Variants in APOLD1 observed in about 807,000 individuals in gnomAD.
The protein encoded by APOLD1 is apolipoprotein L domain-containing protein 1.
APOLD1 carries 22 observed loss-of-function variants against 15.3 expected under a neutral mutation model. That is an observed-to-expected ratio of 1.44 (90% CI 1.03 to 2.05). APOLD1 has a LOEUF of 2.05. Among genes scored for constraint, APOLD1 ranks in the 30% most tolerant of loss-of-function variants. The pLI is 0.00. For missense variants in APOLD1, 394 were observed against 353.5 expected (o/e 1.11, Z -0.92); for synonymous variants, 190 against 167.4 (o/e 1.13, Z -1.04).
chr12:12,750,959 G>C (rs1366651825), intron 1 of APOLD1, among the ~76,000 whole-genome samples: 1 of 144,262 alleles, frequency 6.9e-6, no homozygotes, highest in Admixed American at 6.9e-5. Context: ...TTTTTTTTTG[G>C]TTGTCTTTTG....
intron 1 of APOLD1, chr12:12,771,482 T>G (rs1946986605): frequency 2.1e-6 from 1 of 487,588 alleles, no homozygotes. Flanking sequence ...GTTTTTCATC[T>G]GTGTTTTCCA....
At position 12,787,086 on chromosome 12, in the gene APOLD1, T is replaced by C; in HGVS notation, c.181T>C (p.Ser61Pro). Residue 61 changes from serine to proline, a missense_variant, in exon 2 of 2, where the codon TCG becomes CCG. Ser to Pro is a moderately conservative substitution (Grantham distance 74). Transcript: ENST00000356591. The surrounding 1 kb of genome is among the most constrained non-coding windows in gnomAD (Gnocchi z 4.9). Reference sequence around the variant, plus strand: ...CCTCGTAGCCAACGTGGCCGGCAGCTCGCTGAGCGCAACGGGCGCCCTCGC... The same window carrying C: ...CCTCGTAGCCAACGTGGCCGGCAGCCCGCTGAGCGCAACGGGCGCCCTCGC... ...RSLVANVAGS[S>P]LSATGALAAI... The C allele has an allele frequency of 7.1e-7, 1 of 1,399,448 alleles. No homozygotes were observed. The highest frequency in any genetic ancestry group is 9.2e-7 in the Non-Finnish European group (1 of 1,087,434). 86.7% of individuals were successfully genotyped at this position (1,399,448 alleles called of 1,614,324 possible). A position where few individuals can be genotyped will look rare whatever the true frequency, so the allele number is the denominator to read the frequency against.
At chr12:12,747,682 G>A (rs1203352629) in intron 1 of APOLD1, among the ~76,000 whole-genome samples, 1 of 152,170 alleles carries the variant, frequency 6.6e-6, no homozygotes, top group Admixed American at 6.5e-5. Flanking sequence ...TTATTTCTTA[G>A]TTGGCTGTAA....
At position 12,790,253 on chromosome 12, in the gene APOLD1, C is replaced by A. The variant is rs927140030; in HGVS notation, c.*2601C>A. 6.6e-6 allele frequency: 1 copy of A among 152,058 alleles called. No individual in the cohort carries two copies. Among genetic ancestry groups the A allele is most frequent in the East Asian group, 1.9e-4 (1 of 5,174 alleles). 9.4% of individuals were successfully genotyped at this position (152,058 alleles called of 1,614,324 possible). A position where few individuals can be genotyped will look rare whatever the true frequency, so the allele number is the denominator to read the frequency against. ...CTCCTGGCCTTATGTGATCCGCCCA[C>A]CTTGGCTTCCCAAAGTGCTGGGATT... On this transcript the variant is annotated 3_prime_UTR_variant, in exon 2 of 2. Transcript: ENST00000356591.
At chr12:12,747,655 C>T (rs1946776926) in intron 1 of APOLD1, among the ~76,000 whole-genome samples, 1 of 152,216 alleles carries the variant, frequency 6.6e-6, no homozygotes, top group Non-Finnish European at 1.5e-5. Flanking sequence ...TTGATCCTCT[C>T]CCTCCATTCC....
intron 1 of APOLD1, among the ~76,000 whole-genome samples, chr12:12,763,663 C>A (rs1946920684): frequency 1.3e-5 from 2 of 152,208 alleles, no homozygotes; most frequent in South Asian, 4.1e-4. Context: ...AGGTTATATG[C>A]AAACGCTATA....
chr12:12,791,466 A>ATT (rs966005668), downstream of APOLD1: 1 of 152,120 alleles, frequency 6.6e-6, no homozygotes, highest in Non-Finnish European at 1.5e-5. Context: ...CATTCCTCAA[A>ATT]TTTTTTTATC....
At chr12:12,736,710 C>T (rs1248171033) in intron 1 of APOLD1, among the ~76,000 whole-genome samples, 1 of 152,188 alleles carries the variant, frequency 6.6e-6, no homozygotes, top group Admixed American at 6.5e-5. Flanking sequence ...TGCTGCTTAA[C>T]ATAAACAATC....
At chr12:12,727,760 CTTT>C (rs34995291) in intron 1 of APOLD1, among the ~76,000 whole-genome samples, 2,109 of 137,932 alleles carry the variant, frequency 0.015, 16 homozygotes, top group Non-Finnish European at 0.023. Context: ...GCTCTGAAAC[CTTT>C]TTTTTTTTTT....
intron 1 of APOLD1, among the ~76,000 whole-genome samples, chr12:12,727,882 G>T (rs1006503672): frequency 1.3e-5 from 2 of 151,674 alleles, no homozygotes; most frequent in Non-Finnish European, 2.9e-5. Context: ...TGACAGGCAT[G>T]AGCCACCATA....
chr12:12,783,865 T>A (rs1341352730), upstream of APOLD1, among the ~76,000 whole-genome samples: 1 of 151,296 alleles, frequency 6.6e-6, no homozygotes, highest in Non-Finnish European at 1.5e-5. Flanking sequence ...AACTCCTGAC[T>A]TCAAGCGACC....
chr12:12,756,965 T>C (rs2136383469), intron 1 of APOLD1, among the ~76,000 whole-genome samples: 1 of 152,274 alleles, frequency 6.6e-6, no homozygotes, highest in South Asian at 2.1e-4. Flanking sequence ...TTTTGTATTT[T>C]TAGTAGAGAC....
intron 1 of APOLD1, among the ~76,000 whole-genome samples, chr12:12,777,057 T>A (rs902645317): frequency 6.6e-6 from 1 of 152,204 alleles, no homozygotes; most frequent in Non-Finnish European, 1.5e-5. Flanking sequence ...ATTGTGGATA[T>A]TTTCTTTTTA....
At position 12,786,997 on chromosome 12, in the gene APOLD1, T is replaced by C. The variant is rs1484984085; in HGVS notation, c.92T>C (p.Leu31Pro). ...QGLLLDRRGR[L>P]HGQVLRLREV... ...CTGCTGCTGGACCGCCGAGGCCGGC[T>C]GCACGGCCAGGTGCTGCGCCTGCGC... Residue 31 changes from leucine (L) to proline (P), a missense_variant, in exon 2 of 2, where the codon CTG (leucine) becomes CCG (proline). Transcript: ENST00000356591. 8 of 1,418,904 alleles carry C rather than the reference T, an allele frequency of 5.6e-6. No homozygotes were observed. The highest frequency in any genetic ancestry group is 6.4e-6 in the Non-Finnish European group (7 of 1,097,938). 87.9% of individuals were successfully genotyped at this position (1,418,904 alleles called of 1,614,324 possible).
intron 1 of APOLD1, among the ~76,000 whole-genome samples, chr12:12,730,983 T>TA (rs1159984699): frequency 6.0e-5 from 9 of 149,700 alleles, no homozygotes; most frequent in Non-Finnish European, 1.0e-4. Context: ...CTACTAAAAA[T>TA]AAAAAAAATT....
In APOLD1 at chr12:12,789,094, ATTTAT is replaced by A. The variant is rs1487430056; in HGVS notation, c.*1447_*1451del. On this transcript the variant is annotated 3_prime_UTR_variant, in exon 2 of 2. Transcript: ENST00000356591. ...AAAAGTGCCAGTCCATGTATTTTTT[ATTTAT>A]TTTAAGTTTGTAATTTAATTTTTAA... 1 of 152,128 alleles carries A rather than the reference ATTTAT, an allele frequency of 6.6e-6. No individual in the cohort carries two copies. The highest frequency in any genetic ancestry group is 2.4e-5 in the African/African-American group (1 of 41,432). 9.4% of individuals were successfully genotyped at this position (152,128 alleles called of 1,614,324 possible). A position where few individuals can be genotyped will look rare whatever the true frequency, so the allele number is the denominator to read the frequency against.
Position 12,786,970 on chromosome 12 carries a change from G to T in APOLD1, c.65G>T (p.Gly22Val), listed in dbSNP as rs1044897676. The T allele has an allele frequency of 7.5e-6, 11 of 1,457,840 alleles. No individual in the cohort carries two copies. The highest frequency in any genetic ancestry group is 2.3e-4 in the Middle Eastern group (1 of 4,310). 90.3% of individuals were successfully genotyped at this position (1,457,840 alleles called of 1,614,324 possible). Reference sequence around the variant, plus strand: ...CCCGACGCGCTGCGGCGCTTCCAGGGACTGCTGCTGGACCGCCGAGGCCGG... The same window carrying T: ...CCCGACGCGCTGCGGCGCTTCCAGGTACTGCTGCTGGACCGCCGAGGCCGG... ...HGPDALRRFQ[G>V]LLLDRRGRLH... Residue 22 changes from glycine to valine, a missense_variant, in exon 2 of 2, where the codon GGA (glycine) becomes GTA (valine). Coordinates refer to ENST00000356591, the MANE Select transcript of APOLD1 (RefSeq NM_030817.3).
At position 12,785,706 on chromosome 12, in the gene APOLD1, A is replaced by G. The variant is rs778912631; in HGVS notation, c.3+12A>G. ...GACAGAAGTGAATGGTAAGTGGGGAACCCTGAGGCATATATTCGGGATGAC... is the reference window on the plus strand; with the variant it reads ...GACAGAAGTGAATGGTAAGTGGGGAGCCCTGAGGCATATATTCGGGATGAC... On this transcript the variant is annotated intron_variant, in intron 1 of 1. Transcript: ENST00000356591. The G allele has an allele frequency of 1.9e-6, 3 of 1,611,682 alleles. No homozygotes were observed. In the South Asian group the frequency reaches 3.3e-5, roughly 18 times the overall value.
At chr12:12,726,334 A>G (rs751165410) in intron 1 of APOLD1, 3 of 624,410 alleles carry the variant, frequency 4.8e-6, no homozygotes, top group Non-Finnish European at 8.7e-6. Context: ...AACAAACTCA[A>G]GATACGAAAT....
Sources: gnomAD v4.1 joint callset for allele counts (sites outside exome capture counted in the v4.1 genomes callset) on GRCh38, gnomAD v4.1.1 for gene constraint, Gnocchi (gnomAD v3.1) non-coding constraint, MANE v1.5 for transcripts, NCBI Gene and HGNC (gene_info 2026-07-23, HGNC 2026-07-21) for gene names.